RBFOX2: variants seen among roughly 807,000 people sequenced by gnomAD.
The protein encoded by RBFOX2 is RNA binding protein fox-1 homolog 2.
RBFOX2 carries 10 observed loss-of-function variants against 49.1 expected under a neutral mutation model. That is an observed-to-expected ratio of 0.20 (90% CI 0.13 to 0.35). The LOEUF (loss-of-function observed/expected upper bound fraction) is 0.35, where lower values mean the gene tolerates loss of function less well. RBFOX2 is among the 10% of genes least tolerant of loss of function. The pLI is 1.00. For missense variants in RBFOX2, 323 were observed against 486.9 expected (o/e 0.66, Z 3.17); for synonymous variants, 183 against 187.4 (o/e 0.98, Z 0.19).
chr22:35,841,013 A>T (rs1216407854), upstream of RBFOX2, among the ~76,000 whole-genome samples: 1 of 152,150 alleles, frequency 6.6e-6, no homozygotes, highest in East Asian at 1.9e-4. Flanking sequence ...CAAAGGACTA[A>T]AAGAGAGGAC....
At chr22:35,984,609 A>T (rs1232073110) in intron 1 of RBFOX2, among the ~76,000 whole-genome samples, 1 of 152,190 alleles carries the variant, frequency 6.6e-6, no homozygotes, top group African/African-American at 2.4e-5. Flanking sequence ...AGCTATACTG[A>T]AGTTGGCTCA....
chr22:35,992,471 A>G (rs1351094571), intron 1 of RBFOX2: 1 of 152,186 alleles, frequency 6.6e-6, no homozygotes, highest in African/African-American at 2.4e-5. Context: ...AGACTTCTCA[A>G]ACTTAAGAGA....
intron 1 of RBFOX2, among the ~76,000 whole-genome samples, chr22:35,918,145 C>T (rs565720616): frequency 6.6e-6 from 1 of 152,278 alleles, no homozygotes; most frequent in African/African-American, 2.4e-5. Flanking sequence ...GGCTGACATG[C>T]CAAAGGGCCA....
At chr22:36,017,651 C>T (rs987222508) in intron 1 of RBFOX2, among the ~76,000 whole-genome samples, 19 of 152,196 alleles carry the variant, frequency 1.2e-4, no homozygotes, top group African/African-American at 4.3e-4. Flanking sequence ...GTAATACATG[C>T]GAACTGCTAC....
chr22:35,938,362 A>G (rs1006164172), intron 1 of RBFOX2, among the ~76,000 whole-genome samples: 1 of 152,196 alleles, frequency 6.6e-6, no homozygotes, highest in Non-Finnish European at 1.5e-5. Context: ...CATCTAACAA[A>G]GAAAGGTGGC....
At chr22:35,818,076 G>T in intron 1 of RBFOX2, among the ~76,000 whole-genome samples, 1 of 152,092 alleles carries the variant, frequency 6.6e-6, no homozygotes, top group Middle Eastern at 3.4e-3. Flanking sequence ...TATTTAAACA[G>T]GAAAATAAAT....
intron 1 of RBFOX2, among the ~76,000 whole-genome samples, chr22:35,880,606 G>A (rs1015548072): frequency 6.6e-6 from 1 of 152,044 alleles, no homozygotes; most frequent in African/African-American, 2.4e-5. Flanking sequence ...TATACTTTAT[G>A]ATTTTTCTTT....
At chr22:35,919,071 A>G (rs1603448511) in intron 1 of RBFOX2, among the ~76,000 whole-genome samples, 1 of 152,246 alleles carries the variant, frequency 6.6e-6, no homozygotes, top group East Asian at 1.9e-4. Flanking sequence ...CTGCTATAAC[A>G]TGGATTGTGC....
chr22:35,755,224 C>T (rs1013572473), intron 9 of RBFOX2, among the ~76,000 whole-genome samples: 3 of 152,276 alleles, frequency 2.0e-5, no homozygotes, highest in South Asian at 2.1e-4. Context: ...ATGACTTGAG[C>T]GACTAAATCA....
At chr22:35,799,751 C>T (rs1438075262) in intron 2 of RBFOX2, among the ~76,000 whole-genome samples, 4 of 151,950 alleles carry the variant, frequency 2.6e-5, no homozygotes, top group Admixed American at 2.6e-4. Flanking sequence ...AGTTCCAGAC[C>T]AGCCAGAGCA....
intron 2 of RBFOX2, among the ~76,000 whole-genome samples, chr22:35,796,822 G>A (rs1948871786): frequency 6.6e-6 from 1 of 152,118 alleles, no homozygotes; most frequent in Non-Finnish European, 1.5e-5. Context: ...GATCTCATCA[G>A]AAAAAATCTT....
At position 35,917,142 on chromosome 22, in the gene RBFOX2, G is replaced by A. The variant is rs563336695; in HGVS notation, c.-34+21705C>T. On this transcript the variant is annotated intron_variant, in intron 1 of 13. Coordinates refer to the RBFOX2 transcript ENST00000359369. ...AATGACTATATTGAGCAACTCCTAG[G>A]TGATGGGGGAAAAGAGTGAAGGATA... Among the ~76,000 whole-genome samples, 38 of 152,310 alleles carry A rather than the reference G, an allele frequency of 2.5e-4. No homozygotes were observed. In the South Asian group the frequency reaches 7.3e-3, roughly 29 times the overall value.
At chr22:36,002,616 A>G (rs1267120298) in intron 1 of RBFOX2, among the ~76,000 whole-genome samples, 1 of 152,208 alleles carries the variant, frequency 6.6e-6, no homozygotes, top group African/African-American at 2.4e-5. Flanking sequence ...TACTCCAGAA[A>G]GAACTTCAGG....
At position 35,743,739 on chromosome 22, in the gene RBFOX2, T is replaced by C. The variant is rs138820911; in HGVS notation, c.*456A>G. 2.8e-3 allele frequency: 434 copies of C among 153,306 alleles called. 3 individuals carry two copies. Among genetic ancestry groups the C allele is most frequent in the Non-Finnish European group, 4.4e-3 (299 of 68,500 alleles). 9.5% of individuals were successfully genotyped at this position (153,306 alleles called of 1,614,324 possible). On this transcript the variant is annotated 3_prime_UTR_variant, in exon 12 of 12. Coordinates refer to ENST00000405409, the Ensembl canonical transcript of RBFOX2. ...CTCAGAAGACTAGAAGAATATCCTGTTGCAGAAAGATCTCTTCCACTTCTG... is the reference window on the plus strand; with the variant it reads ...CTCAGAAGACTAGAAGAATATCCTGCTGCAGAAAGATCTCTTCCACTTCTG...
intron 1 of RBFOX2, among the ~76,000 whole-genome samples, chr22:36,014,346 G>A (rs560112334): frequency 6.6e-6 from 1 of 152,112 alleles, no homozygotes; most frequent in Non-Finnish European, 1.5e-5. Context: ...TCCTGACCTC[G>A]TGATCCGCCC....
chr22:35,832,388 G>T (rs1956968887), intron 1 of RBFOX2, among the ~76,000 whole-genome samples: 1 of 151,984 alleles, frequency 6.6e-6, no homozygotes, highest in Admixed American at 6.6e-5. Context: ...CAACAAAAAA[G>T]AAACTGACTA....
intron 1 of RBFOX2, among the ~76,000 whole-genome samples, chr22:36,010,076 G>A (rs1289662329): frequency 2.0e-5 from 3 of 151,942 alleles, no homozygotes; most frequent in African/African-American, 7.3e-5. Context: ...TAAATTGCCT[G>A]GGTACCTTCT....
chr22:35,941,785 T>C (rs535610954), upstream of RBFOX2, among the ~76,000 whole-genome samples: 1 of 152,154 alleles, frequency 6.6e-6, no homozygotes, highest in African/African-American at 2.4e-5. Flanking sequence ...AAAACTTCAA[T>C]AGAAAAGTTG....
At chr22:35,913,477 TTGTGTGTGTG>T (rs61402464) in intron 1 of RBFOX2, among the ~76,000 whole-genome samples, 4 of 143,500 alleles carry the variant, frequency 2.8e-5, no homozygotes, top group East Asian at 4.0e-4. Flanking sequence ...GTTATTTCTA[TTGTGTGTGTG>T]TGTGTGTGTG....
Sources: gnomAD v4.1 joint callset for allele counts (sites outside exome capture counted in the v4.1 genomes callset) on GRCh38, gnomAD v4.1.1 for gene constraint, MANE v1.5 for transcripts, NCBI Gene and HGNC (gene_info 2026-07-23, HGNC 2026-07-21) for gene names.